Variants in SLC4A10 observed in about 807,000 individuals in gnomAD.
SLC4A10 encodes the protein solute carrier family 4 member 10.
A neutral mutation model predicts 137.7 loss-of-function variants in SLC4A10; 42 were observed. That is an observed-to-expected ratio of 0.30 (90% CI 0.24 to 0.39). The LOEUF is 0.39. Ranked by LOEUF, SLC4A10 falls within the 10% of genes least tolerant of loss-of-function variation. The probability of loss-of-function intolerance (pLI) is 1.00; values close to 1 mark genes in which losing one functional copy is unlikely to be tolerated. For synonymous variants in SLC4A10, 474 were observed against 464.1 expected (o/e 1.02, Z -0.27); for missense variants, 925 against 1,355.0 (o/e 0.68, Z 4.98).
chr2:161,963,663 C>T (rs891463273), intron 21 of SLC4A10, among the ~76,000 whole-genome samples: 3 of 152,064 alleles, frequency 2.0e-5, no homozygotes, highest in Admixed American at 6.6e-5. Context: ...AAGGCAGAGA[C>T]GTAGGTCCGT....
At chr2:161,959,331 G>T (rs959028389) in intron 21 of SLC4A10, among the ~76,000 whole-genome samples, 1 of 152,164 alleles carries the variant, frequency 6.6e-6, no homozygotes, top group Non-Finnish European at 1.5e-5. Flanking sequence ...AATATTTTAG[G>T]CATGAATTTG....
At chr2:161,784,419 C>T (rs1429717629) in intron 2 of SLC4A10, among the ~76,000 whole-genome samples, 1 of 151,844 alleles carries the variant, frequency 6.6e-6, no homozygotes, top group Non-Finnish European at 1.5e-5. Flanking sequence ...TAGACATGAA[C>T]ATTTCACTCA....
At chr2:161,881,807 A>T (rs1282869819) in intron 9 of SLC4A10, among the ~76,000 whole-genome samples, 1 of 152,038 alleles carries the variant, frequency 6.6e-6, no homozygotes, top group Non-Finnish European at 1.5e-5. Context: ...CCTCAGCATT[A>T]TAAATAATAG....
At chr2:161,724,706 T>C (rs948816864) in intron 1 of SLC4A10, among the ~76,000 whole-genome samples, 1 of 152,154 alleles carries the variant, frequency 6.6e-6, no homozygotes, top group Non-Finnish European at 1.5e-5. Context: ...TAAAATGTGG[T>C]CCCTTCTGTC....
intron 5 of SLC4A10, among the ~76,000 whole-genome samples, chr2:161,859,232 C>T (rs1411194416): frequency 6.6e-6 from 1 of 151,492 alleles, no homozygotes; most frequent in Non-Finnish European, 1.5e-5. Flanking sequence ...GGATGAAAAA[C>T]AATTTTTCAT....
chr2:161,674,207 ATT>A (rs2040042810), intron 1 of SLC4A10, among the ~76,000 whole-genome samples: 1 of 152,164 alleles, frequency 6.6e-6, no homozygotes, highest in African/African-American at 2.4e-5. Context: ...GCAGGTCTGA[ATT>A]TGAAATACTC....
At chr2:161,834,696 C>T (rs2058651533) in intron 3 of SLC4A10, among the ~76,000 whole-genome samples, 1 of 147,862 alleles carries the variant, frequency 6.8e-6, no homozygotes, top group Admixed American at 6.8e-5. Flanking sequence ...CACACACACA[C>T]ACACAAAACC....
chr2:161,675,933 G>T (rs1184793025), intron 1 of SLC4A10, among the ~76,000 whole-genome samples: 1 of 152,174 alleles, frequency 6.6e-6, no homozygotes, highest in Non-Finnish European at 1.5e-5. Context: ...AGCCCTGAAT[G>T]AAATCATGTA....
chr2:161,755,479 T>C (rs1435110951), intron 1 of SLC4A10, among the ~76,000 whole-genome samples: 3 of 152,152 alleles, frequency 2.0e-5, no homozygotes, highest in Non-Finnish European at 2.9e-5. Context: ...TAGGTGATTT[T>C]CAAGGGTTCT....
chr2:161,936,649 TTTTA>T (rs1226216811), intron 15 of SLC4A10, among the ~76,000 whole-genome samples: 30 of 152,178 alleles, frequency 2.0e-4, no homozygotes, highest in African/African-American at 4.8e-5. Context: ...TCATTTCTGA[TTTTA>T]TTTGTTTGAA....
chr2:161,702,100 TC>T (rs1159145324), intron 1 of SLC4A10, among the ~76,000 whole-genome samples: 14 of 151,946 alleles, frequency 9.2e-5, no homozygotes, highest in African/African-American at 3.1e-4. Flanking sequence ...ATATCTGCAT[TC>T]CCATGTTTAT....
chr2:161,629,586 G>T (rs747177146), intron 1 of SLC4A10, among the ~76,000 whole-genome samples: 1 of 151,752 alleles, frequency 6.6e-6, no homozygotes, highest in South Asian at 2.1e-4. Flanking sequence ...GTTTGCATTA[G>T]GACTTGGTGT....
intron 5 of SLC4A10, among the ~76,000 whole-genome samples, chr2:161,856,430 C>T (rs1405232757): frequency 1.3e-5 from 2 of 151,238 alleles, no homozygotes; most frequent in Non-Finnish European, 3.0e-5. Flanking sequence ...GATAAGCGGT[C>T]CTCTTCTGTT....
rs1249470859 is a variant in SLC4A10 at position 161,938,850 on chromosome 2, G to A, written c.1998-3942G>A. Among the ~76,000 whole-genome samples, 3 of 151,792 alleles carry A rather than the reference G, an allele frequency of 2.0e-5. No individual in the cohort carries two copies. In the East Asian group the frequency reaches 5.8e-4, roughly 29 times the overall value. On this transcript the variant is annotated intron_variant, in intron 15 of 26. Transcript: ENST00000446997. Reference sequence around the variant, plus strand: ...AGTACATTTTATTGTTATCAAAATAGTCCATACATATCCTAGGGAAAAAAA... The same window carrying A: ...AGTACATTTTATTGTTATCAAAATAATCCATACATATCCTAGGGAAAAAAA...
At chr2:161,748,466 G>GTT (rs1397324842) in intron 1 of SLC4A10, among the ~76,000 whole-genome samples, 3 of 151,778 alleles carry the variant, frequency 2.0e-5, no homozygotes, top group African/African-American at 7.3e-5. Context: ...GTGTGTGTGT[G>GTT]TGTGTGGTGT....
rs1472866885 is a variant in SLC4A10 at position 161,904,074 on chromosome 2, T to C, written c.1513T>C (p.Phe505Leu). The change falls in exon 13 of 27, where the codon TTC (phenylalanine) becomes CTC (leucine). Residue 505 changes from phenylalanine to leucine, a missense_variant. This residue lies in a region of SLC4A10 where 61 missense variants were observed against 168.0 expected (regional missense o/e 0.36). Transcript: ENST00000446997. The part of the protein sequence containing the change: ...PYFWSDFRDA[F>L]SLQCLASFLF... ...CTTCTGGAGTGACTTCAGAGATGCTTTCAGCCTGCAGTGCTTAGCATCTTT... is the reference window on the plus strand; with the variant it reads ...CTTCTGGAGTGACTTCAGAGATGCTCTCAGCCTGCAGTGCTTAGCATCTTT... 1 of 1,602,656 alleles carries C rather than the reference T, an allele frequency of 6.2e-7. No homozygotes were observed. The highest frequency in any genetic ancestry group is 1.3e-5 in the African/African-American group (1 of 74,940).
intron 3 of SLC4A10, among the ~76,000 whole-genome samples, chr2:161,836,504 AAAAG>A (rs1273091334): frequency 1.4e-5 from 2 of 140,110 alleles, no homozygotes; most frequent in Non-Finnish European, 3.0e-5. Flanking sequence ...AAAAGGAAGA[AAAAG>A]AAAGAAAGAA....
At position 161,928,649 on chromosome 2, in the gene SLC4A10, C is replaced by CAA. The variant is rs34327479; in HGVS notation, c.1998-14125_1998-14124dup. 5.4e-3 allele frequency among the ~76,000 whole-genome samples: 533 copies of CAA among 99,272 alleles called. 3 individuals carry two copies. The highest frequency in any genetic ancestry group is 7.8e-3 in the Non-Finnish European group (384 of 48,952). 65.1% of individuals were successfully genotyped at this position (99,272 alleles called of 152,430 possible). ...ATAAAATCATAACAATCCTTGAAAG[C>CAA]AAAAAAAAAAAAAAAAAAAGTAGGA... On this transcript the variant is annotated intron_variant, in intron 15 of 26. Transcript: ENST00000446997.
intron 5 of SLC4A10, among the ~76,000 whole-genome samples, chr2:161,860,733 C>G (rs866237456): frequency 6.6e-6 from 1 of 152,132 alleles, no homozygotes; most frequent in Non-Finnish European, 1.5e-5. Flanking sequence ...ATTATAGTGA[C>G]TGACTTTCAA....
Sources: gnomAD v4.1 joint callset for allele counts (sites outside exome capture counted in the v4.1 genomes callset) on GRCh38, gnomAD v4.1.1 for gene constraint, gnomAD v4.1.1 regional missense constraint, MANE v1.5 for transcripts, NCBI Gene and HGNC (gene_info 2026-07-23, HGNC 2026-07-21) for gene names.